Variants in AGBL4 observed in about 807,000 individuals in gnomAD.
AGBL4 encodes AGBL carboxypeptidase 4.
In AGBL4, 58 loss-of-function variants were observed where a neutral mutation model predicts 66.4. The ratio of observed to expected loss-of-function variants is 0.87; its 90% CI spans 0.71 to 1.09. The LOEUF is 1.09. Among genes scored for constraint, AGBL4 ranks in the 50% least tolerant of loss-of-function variants. AGBL4 has a pLI of 0.00. For synonymous variants in AGBL4, 234 were observed against 222.9 expected (o/e 1.05, Z -0.44); for missense variants, 579 against 631.0 (o/e 0.92, Z 0.88).
intron 3 of AGBL4, among the ~76,000 whole-genome samples, chr1:49,614,158 C>A (rs577863245): frequency 1.3e-5 from 2 of 152,008 alleles, no homozygotes; most frequent in African/African-American, 2.4e-5. Context: ...TGTATATGTA[C>A]CCCTCATTTC....
intron 11 of AGBL4, among the ~76,000 whole-genome samples, chr1:48,568,685 G>T (rs548243274): frequency 2.0e-5 from 3 of 152,318 alleles, no homozygotes; most frequent in African/African-American, 7.2e-5. Flanking sequence ...CCTGAAAACA[G>T]CATGTTGTGT....
At chr1:49,395,867 A>G (rs1450854675) in intron 3 of AGBL4, among the ~76,000 whole-genome samples, 3 of 141,504 alleles carry the variant, frequency 2.1e-5, no homozygotes, top group East Asian at 2.0e-4. Context: ...AAATATATAT[A>G]TATATATAGC....
chr1:49,610,581 T>A (rs552187801), intron 3 of AGBL4, among the ~76,000 whole-genome samples: 3 of 152,186 alleles, frequency 2.0e-5, no homozygotes, highest in African/African-American at 7.2e-5. Flanking sequence ...GGTGATTAGA[T>A]CATGTGAGCT....
chr1:49,102,031 T>TAGAGAG (rs10674266), intron 4 of AGBL4, among the ~76,000 whole-genome samples: 3 of 145,752 alleles, frequency 2.1e-5, no homozygotes, highest in African/African-American at 5.0e-5. Flanking sequence ...GGGAGAGAGA[T>TAGAGAG]AGAGAGAGAG....
At chr1:49,759,795 C>T (rs1652165922) in intron 2 of AGBL4, among the ~76,000 whole-genome samples, 1 of 152,142 alleles carries the variant, frequency 6.6e-6, no homozygotes, top group African/African-American at 2.4e-5. Flanking sequence ...AAGTGAGATA[C>T]TGATACATGC....
chr1:49,224,008 T>C (rs1252186644), intron 4 of AGBL4, among the ~76,000 whole-genome samples: 4 of 152,190 alleles, frequency 2.6e-5, no homozygotes, highest in African/African-American at 9.7e-5. Flanking sequence ...AATTGGACTT[T>C]TATGAATTTC....
chr1:49,668,565 G>C (rs1646413402), intron 3 of AGBL4, among the ~76,000 whole-genome samples: 2 of 152,112 alleles, frequency 1.3e-5, no homozygotes, highest in African/African-American at 4.8e-5. Flanking sequence ...TGGTGTGTCA[G>C]AAATCTACCA....
chr1:49,586,654 C>T (rs1018182625), intron 3 of AGBL4, among the ~76,000 whole-genome samples: 2 of 135,910 alleles, frequency 1.5e-5, no homozygotes, highest in African/African-American at 4.9e-5. Context: ...TAGAGACTGA[C>T]TGACTGACTG....
chr1:48,718,329 A>T (rs72904817), intron 6 of AGBL4, among the ~76,000 whole-genome samples: 1,935 of 152,344 alleles, frequency 0.013, 39 homozygotes, highest in African/African-American at 0.044. Flanking sequence ...GCTGGGCTAC[A>T]CAGTGTTAAA....
At chr1:48,831,244 C>G (rs115781193) in intron 6 of AGBL4, among the ~76,000 whole-genome samples, 1 of 152,156 alleles carries the variant, frequency 6.6e-6, no homozygotes, top group African/African-American at 2.4e-5. Context: ...CACCTCAGCT[C>G]TCTGGCCCTC....
At chr1:49,402,569 C>CTTT (rs111878788) in intron 3 of AGBL4, among the ~76,000 whole-genome samples, 5 of 137,794 alleles carry the variant, frequency 3.6e-5, no homozygotes, top group Non-Finnish European at 6.2e-5. Context: ...TTTTGAATGC[C>CTTT]TTTTTTTTTT....
intron 2 of AGBL4, among the ~76,000 whole-genome samples, chr1:49,833,258 C>A (rs1049395655): frequency 1.3e-5 from 2 of 152,058 alleles, no homozygotes; most frequent in Admixed American, 1.3e-4. Flanking sequence ...GGAATCCTTT[C>A]CCCATTGCTT....
At chr1:49,089,661 G>C (rs1306332277) in intron 4 of AGBL4, among the ~76,000 whole-genome samples, 1 of 152,110 alleles carries the variant, frequency 6.6e-6, no homozygotes, top group Non-Finnish European at 1.5e-5. Context: ...AATTCTACCA[G>C]ATGTATAAAG....
At chr1:48,908,232 G>T (rs558050326) in intron 5 of AGBL4, among the ~76,000 whole-genome samples, 1 of 152,198 alleles carries the variant, frequency 6.6e-6, no homozygotes, top group South Asian at 2.1e-4. Flanking sequence ...CCAAATCCCA[G>T]TCACTTCACA....
chr1:48,524,904 A>G, the AGBL4 span, among the ~76,000 whole-genome samples: 1 of 151,552 alleles, frequency 6.6e-6, no homozygotes, highest in Non-Finnish European at 1.5e-5. Context: ...AAGTCTCACA[A>G]CTTCCTATAT....
intron 4 of AGBL4, among the ~76,000 whole-genome samples, chr1:49,076,885 T>C (rs1557621195): frequency 6.6e-6 from 1 of 152,198 alleles, no homozygotes; most frequent in Non-Finnish European, 1.5e-5. Context: ...TCTCCTCTTT[T>C]AGTCAACAAG....
chr1:49,879,370 T>G (rs1647139515), intron 1 of AGBL4, among the ~76,000 whole-genome samples: 1 of 150,452 alleles, frequency 6.6e-6, no homozygotes, highest in Admixed American at 6.6e-5. Flanking sequence ...TGACAAAATC[T>G]CTCAGCATTT....
chr1:49,365,662 A>G (rs1160147738), intron 3 of AGBL4, among the ~76,000 whole-genome samples: 2 of 152,050 alleles, frequency 1.3e-5, no homozygotes, highest in African/African-American at 2.4e-5. Flanking sequence ...TTTCCTAGAT[A>G]TTCCTGTGGG....
chr1:49,847,594 T>C (rs766707349), intron 2 of AGBL4, among the ~76,000 whole-genome samples: 1 of 151,860 alleles, frequency 6.6e-6, no homozygotes, highest in Non-Finnish European at 1.5e-5. Context: ...ATCCAAAATT[T>C]ATAAGGAACT....
Sources: gnomAD v4.1 joint callset for allele counts (sites outside exome capture counted in the v4.1 genomes callset) on GRCh38, gnomAD v4.1.1 for gene constraint, MANE v1.5 for transcripts, NCBI Gene and HGNC (gene_info 2026-07-23, HGNC 2026-07-21) for gene names.